The following DOCK5 variants were observed in gnomAD, a reference collection of about 807,000 sequenced individuals.
The protein encoded by DOCK5 is dedicator of cytokinesis 5, also known as dedicator of cytokinesis protein 5.
A neutral mutation model predicts 251.8 loss-of-function variants in DOCK5; 142 were observed. That is an observed-to-expected ratio of 0.56 (90% CI 0.49 to 0.65). DOCK5 has a LOEUF of 0.65. DOCK5 is among the 30% of genes least tolerant of loss of function. The probability of loss-of-function intolerance (pLI) is 0.00; values close to 1 mark genes in which losing one functional copy is unlikely to be tolerated. For synonymous variants in DOCK5, 842 were observed against 835.5 expected (o/e 1.01, Z -0.13); for missense variants, 2,111 against 2,312.3 (o/e 0.91, Z 1.79).
chr8:25,299,274 T>C, intron 8 of DOCK5, 173 bp downstream of exon 8: 1 of 676,854 alleles, frequency 1.5e-6, no homozygotes, highest in Non-Finnish European at 2.3e-6. Context: ...CATATGTCAC[T>C]ACTAGAACAA....
intron 3 of DOCK5, among the ~76,000 whole-genome samples, chr8:25,271,403 A>G (rs1399510764): frequency 6.6e-6 from 1 of 152,184 alleles, no homozygotes; most frequent in African/African-American, 2.4e-5. Context: ...GGCAAATCAA[A>G]TTCAGTTGCC....
chr8:25,244,637 G>T (rs764562792), intron 2 of DOCK5, among the ~76,000 whole-genome samples: 15 of 152,216 alleles, frequency 9.9e-5, no homozygotes, highest in Non-Finnish European at 2.1e-4. Context: ...GGCAGAGATG[G>T]TCCGCGAGGA....
chr8:25,351,642 T>G, intron 26 of DOCK5, 89 bp from the exon 27 acceptor site: 1 of 978,374 alleles, frequency 1.0e-6, no homozygotes. Flanking sequence ...CAAAAAGAGA[T>G]CTAAAGACAA....
chr8:25,187,281 A>G (rs1343809501), intron 1 of DOCK5, among the ~76,000 whole-genome samples: 1 of 149,090 alleles, frequency 6.7e-6, no homozygotes, highest in Non-Finnish European at 1.5e-5. Flanking sequence ...ACATATATGT[A>G]TATATGTATA....
chr8:25,203,835 A>G (rs1801937300), intron 1 of DOCK5, among the ~76,000 whole-genome samples: 1 of 152,184 alleles, frequency 6.6e-6, no homozygotes, highest in South Asian at 2.1e-4. Context: ...GACTTGAGGT[A>G]CAAAATCCCA....
At chr8:25,269,204 A>AC (rs764696433) in intron 3 of DOCK5, among the ~76,000 whole-genome samples, 1 of 152,140 alleles carries the variant, frequency 6.6e-6, no homozygotes, top group Non-Finnish European at 1.5e-5. Context: ...GGAGGGGTGG[A>AC]CCCACCCTTC....
chr8:25,330,726 A>G (rs907393208), intron 18 of DOCK5, among the ~76,000 whole-genome samples: 2 of 152,162 alleles, frequency 1.3e-5, no homozygotes, highest in African/African-American at 4.8e-5. Context: ...TGAAAAATAC[A>G]TGTGTAACTA....
chr8:25,267,766 T>C (rs939393535), intron 2 of DOCK5, among the ~76,000 whole-genome samples: 7 of 152,070 alleles, frequency 4.6e-5, no homozygotes, highest in African/African-American at 1.7e-4. Flanking sequence ...GTTCAGCAAA[T>C]AGTTAATATA....
At chr8:25,232,223 G>GA (rs1034414347) in intron 1 of DOCK5, among the ~76,000 whole-genome samples, 22 of 151,046 alleles carry the variant, frequency 1.5e-4, no homozygotes, top group African/African-American at 5.4e-4. Context: ...TGGTAATCTT[G>GA]AACCAGATGT....
intron 1 of DOCK5, among the ~76,000 whole-genome samples, chr8:25,197,769 G>A (rs1301433294): frequency 4.1e-5 from 1 of 24,354 alleles, no homozygotes; most frequent in African/African-American, 9.0e-5. Flanking sequence ...TTTTTTTTTT[G>A]AGACGGAGTC....
chr8:25,243,823 A>G (rs1803024390), intron 2 of DOCK5, 66 bp downstream of exon 2: 1 of 1,454,756 alleles, frequency 6.9e-7, no homozygotes, highest in African/African-American at 1.4e-5. Context: ...CTTATTAAAA[A>G]GGCACTTAGA....
At chr8:25,410,939 A>AATTGTGTGTG (rs1554513012) in intron 51 of DOCK5, among the ~76,000 whole-genome samples, 1 of 102,062 alleles carries the variant, frequency 9.8e-6, no homozygotes, top group South Asian at 3.8e-4. Context: ...GAGAGAGAAA[A>AATTGTGTGTG]TGTGTGTGTG....
chr8:25,215,558 G>A (rs988573667), intron 1 of DOCK5, among the ~76,000 whole-genome samples: 9 of 152,026 alleles, frequency 5.9e-5, no homozygotes, highest in Non-Finnish European at 8.8e-5. Context: ...AGTGACTCTC[G>A]GGAGGGCACA....
At chr8:25,223,202 C>T (rs908284068) in intron 1 of DOCK5, among the ~76,000 whole-genome samples, 6 of 152,222 alleles carry the variant, frequency 3.9e-5, no homozygotes, top group Non-Finnish European at 8.8e-5. Context: ...GACAAGGTCT[C>T]ACTACGTTGC....
intron 11 of DOCK5, 117 bp downstream of exon 11, chr8:25,304,444 C>G (rs914650100): frequency 1.1e-6 from 1 of 894,020 alleles, no homozygotes; most frequent in African/African-American, 1.7e-5. Context: ...AGATTCTAAG[C>G]TGCAAGATTG....
chr8:25,393,629 C>T (rs994035496), intron 44 of DOCK5, among the ~76,000 whole-genome samples: 3 of 152,176 alleles, frequency 2.0e-5, no homozygotes, highest in Admixed American at 6.5e-5. Context: ...CACACTCTTG[C>T]AATTTCTGCA....
chr8:25,361,431 G>A (rs934240082), intron 28 of DOCK5, among the ~76,000 whole-genome samples: 4 of 152,050 alleles, frequency 2.6e-5, no homozygotes, highest in African/African-American at 9.7e-5. Flanking sequence ...CCCACGTGAT[G>A]AAACCCCATC....
Position 25,408,051 on chromosome 8 carries a change from G to T in DOCK5, c.5162G>T (p.Arg1721Ile). 1.2e-6 allele frequency: 2 copies of T among 1,611,318 alleles called. No homozygotes were observed. Among genetic ancestry groups the T allele is most frequent in the Non-Finnish European group, 1.7e-6 (2 of 1,178,760 alleles). ...SGARVEDLSL[R>I]EENSENRISK... Reference sequence around the variant, plus strand: ...GCCAGAGTTGAAGATCTGTCCCTTAGAGAGGAGAACAGCGAGAACCGGATC... The same window carrying T: ...GCCAGAGTTGAAGATCTGTCCCTTATAGAGGAGAACAGCGAGAACCGGATC... Residue 1721 changes from arginine to isoleucine, a missense_variant, in exon 49 of 52, where the codon AGA becomes ATA. Arg to Ile is a moderately conservative substitution (Grantham distance 97). This residue lies in a region of DOCK5 where 1,717 missense variants were observed against 1,892.4 expected (regional missense o/e 0.91). Coordinates refer to ENST00000276440, the MANE Select transcript of DOCK5 (RefSeq NM_024940.8).
At chr8:25,349,859 C>G (rs1800435220) in intron 26 of DOCK5, among the ~76,000 whole-genome samples, 1 of 151,924 alleles carries the variant, frequency 6.6e-6, no homozygotes, top group African/African-American at 2.4e-5. Context: ...TCAGAATCAC[C>G]AATAAAGAAC....
Sources: gnomAD v4.1 joint callset for allele counts (sites outside exome capture counted in the v4.1 genomes callset) on GRCh38, gnomAD v4.1.1 for gene constraint, gnomAD v4.1.1 regional missense constraint, MANE v1.5 for transcripts, NCBI Gene and HGNC (gene_info 2026-07-23, HGNC 2026-07-21) for gene names.